Variants in AAGAB observed in about 807,000 individuals in gnomAD.
The protein encoded by AAGAB is alpha- and gamma-adaptin-binding protein p34.
In AAGAB, 38 loss-of-function variants were observed where a neutral mutation model predicts 44.1. That is an observed-to-expected ratio of 0.86 (90% CI 0.67 to 1.13). AAGAB has a LOEUF of 1.13. Among genes scored for constraint, AAGAB ranks in the 50% most tolerant of loss-of-function variants. The pLI, the probability that AAGAB is intolerant of heterozygous loss-of-function variation, is 0.00. For synonymous variants in AAGAB, 131 were observed against 131.8 expected (o/e 0.99, Z 0.04); for missense variants, 450 against 373.8 (o/e 1.20, Z -1.68).
intron 9 of AAGAB, 99 bp from the exon 10 acceptor site, chr15:67,202,997 T>C: frequency 8.9e-7 from 1 of 1,119,874 alleles, no homozygotes. Flanking sequence ...AATTCTGCAC[T>C]TTGCCCTCCA....
rs1321773227 is a variant in AAGAB, at chr15:67,202,722, CATG to C, written c.*96_*98del. The C allele has an allele frequency of 1.8e-6, 2 of 1,133,602 alleles. No individual in the cohort carries two copies. Among genetic ancestry groups the C allele is most frequent in the Middle Eastern group, 2.0e-4 (1 of 4,970 alleles). 70.2% of individuals were successfully genotyped at this position (1,133,602 alleles called of 1,614,324 possible). ...CCCTATAAACAAGTCAGGCAGCCAACATGATAAGGGCAATTTTGGCAAAATATG... is the reference window on the plus strand; with the variant it reads ...CCCTATAAACAAGTCAGGCAGCCAACATAAGGGCAATTTTGGCAAAATATG... On this transcript the variant is annotated 3_prime_UTR_variant, in exon 10 of 10. Coordinates refer to ENST00000261880, the MANE Select transcript of AAGAB (RefSeq NM_024666.5).
At chr15:67,224,373 T>C (rs1964150809) in intron 5 of AAGAB, among the ~76,000 whole-genome samples, 1 of 152,176 alleles carries the variant, frequency 6.6e-6, no homozygotes, top group Non-Finnish European at 1.5e-5. Flanking sequence ...CAGGTACTTA[T>C]AAAAGCTGTA....
chr15:67,248,339 G>A (rs1964777700), intron 1 of AAGAB, among the ~76,000 whole-genome samples: 1 of 152,152 alleles, frequency 6.6e-6, no homozygotes, highest in Admixed American at 6.5e-5. Context: ...CTAGGCCCTT[G>A]TGGTACATCT....
Position 67,238,759 on chromosome 15 carries a change from G to A in AAGAB, c.74-1939C>T, listed in dbSNP as rs546888916. On this transcript the variant is annotated intron_variant, in intron 1 of 9. Coordinates refer to ENST00000261880, the MANE Select transcript of AAGAB (RefSeq NM_024666.5). Reference sequence around the variant, plus strand: ...TGCGCAGGCTGGAGTGCAGTGGCGTGATCTCGGCTGACTGCAACCTCCACC... The same window carrying A: ...TGCGCAGGCTGGAGTGCAGTGGCGTAATCTCGGCTGACTGCAACCTCCACC... 9.5e-4 allele frequency among the ~76,000 whole-genome samples: 144 copies of A among 151,372 alleles called. 2 individuals carry two copies. In the Middle Eastern group the frequency reaches 0.017, roughly 18 times the overall value.
At chr15:67,217,263 G>A (rs1481073779) in intron 5 of AAGAB, among the ~76,000 whole-genome samples, 1 of 152,154 alleles carries the variant, frequency 6.6e-6, no homozygotes, top group Non-Finnish European at 1.5e-5. Context: ...TTATCCTAGA[G>A]TTCTACCCAT....
intron 5 of AAGAB, among the ~76,000 whole-genome samples, chr15:67,228,332 A>G (rs553164741): frequency 1.3e-5 from 2 of 152,360 alleles, no homozygotes; most frequent in East Asian, 3.9e-4. Context: ...TAGCCTTCCT[A>G]TGGTAAATGC....
At position 67,208,674 on chromosome 15, in the gene AAGAB, C is replaced by T. The variant is rs199567850; in HGVS notation, c.619-16G>A. Reference sequence around the variant, plus strand: ...AATGGGGTTGCTGTTGAGGAAAATACACATAAGCAACAATTTAATCGTAGT... The same window carrying T: ...AATGGGGTTGCTGTTGAGGAAAATATACATAAGCAACAATTTAATCGTAGT... On this transcript the variant is annotated splice_polypyrimidine_tract_variant and intron_variant, in intron 6 of 9. Coordinates refer to ENST00000261880, the MANE Select transcript of AAGAB (RefSeq NM_024666.5). 1.0e-4 allele frequency: 160 copies of T among 1,605,000 alleles called. 1 individual carries two copies. In the East Asian group the frequency reaches 3.1e-3, roughly 31 times the overall value.
At chr15:67,213,689 G>A (rs1191625977) in intron 5 of AAGAB, among the ~76,000 whole-genome samples, 2 of 152,110 alleles carry the variant, frequency 1.3e-5, no homozygotes, top group African/African-American at 4.8e-5. Context: ...TTTTATACAA[G>A]CTATGCCTTC....
chr15:67,217,407 T>G (rs781346184), intron 5 of AAGAB, among the ~76,000 whole-genome samples: 6 of 152,230 alleles, frequency 3.9e-5, no homozygotes, highest in Non-Finnish European at 8.8e-5. Flanking sequence ...TTATTTTCTG[T>G]AACATTAGAG....
chr15:67,247,073 C>G (rs1207908845), intron 1 of AAGAB, among the ~76,000 whole-genome samples: 1 of 152,218 alleles, frequency 6.6e-6, no homozygotes, highest in Non-Finnish European at 1.5e-5. Flanking sequence ...GTCAGCAAGA[C>G]CAAGAACCCA....
chr15:67,245,569 T>C (rs1337255238), intron 1 of AAGAB, among the ~76,000 whole-genome samples: 1 of 152,196 alleles, frequency 6.6e-6, no homozygotes, highest in African/African-American at 2.4e-5. Context: ...CGTAAATGTA[T>C]TAAAAAACAC....
chr15:67,231,842 A>G lies in AAGAB; in HGVS notation c.507T>C (p.Asn169=). The part of the protein sequence containing the change: ...VKRIVQALNA[N]VWSNVVMKND... Reference sequence around the variant, plus strand: ...TCTTCATCACTACATTGGACCACACATTGGCATTCAGGGCTTGGACAATTC... The same window carrying G: ...TCTTCATCACTACATTGGACCACACGTTGGCATTCAGGGCTTGGACAATTC... The change falls in exon 5 of 10, where the codon AAT becomes AAC. Residue 169 remains asparagine (N), a synonymous_variant. Coordinates refer to ENST00000261880, the MANE Select transcript of AAGAB (RefSeq NM_024666.5). 6.2e-7 allele frequency: 1 copy of G among 1,612,592 alleles called. No individual in the cohort carries two copies. Among genetic ancestry groups the G allele is most frequent in the South Asian group, 1.1e-5 (1 of 91,070 alleles).
intron 5 of AAGAB, among the ~76,000 whole-genome samples, chr15:67,227,715 T>G (rs1595996879): frequency 6.6e-6 from 1 of 152,284 alleles, no homozygotes; most frequent in Middle Eastern, 3.4e-3. Flanking sequence ...TAGGTTACCC[T>G]GGAAGAGTAG....
chr15:67,241,759 T>G (rs919750147), intron 1 of AAGAB, among the ~76,000 whole-genome samples: 4 of 152,202 alleles, frequency 2.6e-5, no homozygotes, highest in African/African-American at 2.4e-5. Context: ...ATTCATTTCC[T>G]TCTTCCCATC....
chr15:67,245,855 A>G (rs575384772), intron 1 of AAGAB, among the ~76,000 whole-genome samples: 2 of 152,298 alleles, frequency 1.3e-5, no homozygotes, highest in South Asian at 4.1e-4. Context: ...GAAATCCTAT[A>G]CAACCCCAGG....
intron 1 of AAGAB, among the ~76,000 whole-genome samples, chr15:67,240,472 A>G (rs1964570237): frequency 6.6e-6 from 1 of 152,210 alleles, no homozygotes; most frequent in Admixed American, 6.5e-5. Context: ...ATTTTTTAAG[A>G]GACAAACACT....
chr15:67,249,977 A>G (rs975719755), intron 1 of AAGAB, among the ~76,000 whole-genome samples: 7 of 152,214 alleles, frequency 4.6e-5, no homozygotes, highest in Non-Finnish European at 7.3e-5. Context: ...CATTTCACTA[A>G]AAGGAAGAAT....
intron 1 of AAGAB, among the ~76,000 whole-genome samples, chr15:67,253,082 T>TTG (rs1964912635): frequency 6.6e-6 from 1 of 152,208 alleles, no homozygotes; most frequent in Non-Finnish European, 1.5e-5. Context: ...TGTGCCAGAC[T>TTG]CGGGGATAAG....
chr15:67,254,401 TA>T (rs1872286885), intron 1 of AAGAB, 157 bp downstream of exon 1: 1 of 1,421,310 alleles, frequency 7.0e-7, no homozygotes, highest in East Asian at 2.5e-5. Context: ...GATTAAGAGA[TA>T]GGGGCAGCCA....
Sources: allele counts gnomAD v4.1 joint callset (sites outside exome capture counted in the v4.1 genomes callset), GRCh38; gene constraint gnomAD v4.1.1; transcripts MANE v1.5; gene names NCBI Gene and HGNC (gene_info 2026-07-23, HGNC 2026-07-21).